DTX1: variants seen among roughly 807,000 people sequenced by gnomAD.
The protein encoded by DTX1 is deltex E3 ubiquitin ligase 1.
In DTX1, 26 loss-of-function variants were observed where a neutral mutation model predicts 57.8. That is an observed-to-expected ratio of 0.45 (90% CI 0.33 to 0.62). The LOEUF (loss-of-function observed/expected upper bound fraction) is 0.62, where lower values mean the gene tolerates loss of function less well. Among genes scored for constraint, DTX1 ranks in the 20% least tolerant of loss-of-function variants. The pLI, the probability that DTX1 is intolerant of heterozygous loss-of-function variation, is 0.02. For missense variants in DTX1, 704 were observed against 895.3 expected (o/e 0.79, Z 2.73); for synonymous variants, 398 against 394.1 (o/e 1.01, Z -0.12).
intron 2 of DTX1, among the ~76,000 whole-genome samples, chr12:113,060,360 CAT>C (rs2044656853): frequency 6.6e-6 from 1 of 152,132 alleles, no homozygotes; most frequent in Admixed American, 6.5e-5. Context: ...AGCAAGCAAA[CAT>C]ATCACCACAG....
chr12:113,080,979 A>G (rs2044812582), intron 3 of DTX1, among the ~76,000 whole-genome samples: 1 of 151,882 alleles, frequency 6.6e-6, no homozygotes, highest in African/African-American at 2.4e-5. Flanking sequence ...TGTCTCAAAA[A>G]AAAAAAAAAA....
chr12:113,096,439 C>CAAAA (rs56194115), intron 9 of DTX1, among the ~76,000 whole-genome samples: 9 of 92,750 alleles, frequency 9.7e-5, no homozygotes, highest in East Asian at 6.5e-4. Flanking sequence ...GACTCTGCCT[C>CAAAA]AAAAAAAAAA....
At chr12:113,066,167 C>T (rs140339922) in intron 2 of DTX1, among the ~76,000 whole-genome samples, 312 of 152,330 alleles carry the variant, frequency 2.0e-3, no homozygotes, top group Non-Finnish European at 3.4e-3. Context: ...CTGGAAACAG[C>T]TACCTCGGGG....
rs115046593 is a variant in DTX1 at position 113,074,978 on chromosome 12, G to A, written c.260-2446G>A. Among the ~76,000 whole-genome samples, 96 of 152,272 alleles carry A rather than the reference G, an allele frequency of 6.3e-4. 1 individual carries two copies. Among genetic ancestry groups the A allele is most frequent in the African/African-American group, 2.3e-3 (96 of 41,550 alleles). On this transcript the variant is annotated intron_variant, in intron 2 of 9. Transcript: ENST00000548759. ...CAGGGGAGAGCAGAGCTGAGTTCAA[G>A]GTGCCTGTTAAACCTCTCCAGGGAA...
At chr12:113,075,655 A>G (rs1334633260) in intron 2 of DTX1, among the ~76,000 whole-genome samples, 1 of 152,180 alleles carries the variant, frequency 6.6e-6, no homozygotes, top group Non-Finnish European at 1.5e-5. Flanking sequence ...TGTGGTTTGG[A>G]GTAAAGCCTC....
chr12:113,079,693 A>G (rs968596647), intron 3 of DTX1, among the ~76,000 whole-genome samples: 2 of 100,492 alleles, frequency 2.0e-5, no homozygotes, highest in African/African-American at 4.0e-5. Flanking sequence ...ATTCCCGGCT[A>G]CTGTGTGTGT....
rs558718426 is a variant in DTX1, at chr12:113,082,495, G to C, written c.941+4390G>C. Among the ~76,000 whole-genome samples the C allele has an allele frequency of 4.6e-5, 7 of 152,268 alleles. No individual in the cohort carries two copies. The East Asian group carries it at 1.2e-3, about 25-fold the overall frequency. On this transcript the variant is annotated intron_variant, in intron 3 of 9. Coordinates refer to ENST00000548759, the MANE Select transcript of DTX1 (RefSeq NM_004416.3). ...CTATGAGGGGAAAGGGATGGAGGTG[G>C]GGGGTCTTTGAGGAGCCAGGCAGAC...
rs867706951 is a variant in DTX1, at chr12:113,077,438, G to A, written c.274G>A (p.Val92Met). Residue 92 changes from valine to methionine, a missense_variant, in exon 3 of 10, where the codon GTG (valine) becomes ATG (methionine). By Grantham distance (21) the Val-to-Met change is conservative (BLOSUM62 1). Coordinates refer to ENST00000548759, the MANE Select transcript of DTX1 (RefSeq NM_004416.3). This position sits in a 1 kb window ranked among gnomAD's most constrained non-coding sequence, Gnocchi z 7.8. ...FRQDTGTMRP[V>M]RRNFYDPSSA... ...TTCGAGTACAGGCACCATGCGGCCCGTGCGGCGCAACTTCTACGACCCGTC... is the reference window on the plus strand; with the variant it reads ...TTCGAGTACAGGCACCATGCGGCCCATGCGGCGCAACTTCTACGACCCGTC... 1 of 1,607,986 alleles carries A rather than the reference G, an allele frequency of 6.2e-7. No individual in the cohort carries two copies. The highest frequency in any genetic ancestry group is 8.5e-7 in the Non-Finnish European group (1 of 1,179,062).
At chr12:113,060,516 T>A (rs1286204432) in intron 2 of DTX1, among the ~76,000 whole-genome samples, 4 of 152,176 alleles carry the variant, frequency 2.6e-5, no homozygotes, top group Admixed American at 2.6e-4. Context: ...GCACAGCCAG[T>A]GCAAAGGCCC....
chr12:113,068,959 CCT>C (rs2044722278), intron 2 of DTX1, among the ~76,000 whole-genome samples: 2 of 152,300 alleles, frequency 1.3e-5, no homozygotes, highest in South Asian at 2.1e-4. Context: ...AATTGCTTCA[CCT>C]CTCTGTGCTT....
chr12:113,086,701 A>T lies in DTX1; in HGVS notation c.942-6461A>T, dbSNP rs575509825. Among the ~76,000 whole-genome samples the T allele has an allele frequency of 3.6e-4, 55 of 151,554 alleles. No homozygotes were observed. The South Asian group carries it at 7.9e-3, about 22-fold the overall frequency. ...GCAGTGATTTTATGCTTTTATTTTT[A>T]AAAAATCCACATTTTCTTTCTCCAG... On this transcript the variant is annotated intron_variant, in intron 3 of 9. Transcript: ENST00000548759.
intron 9 of DTX1, 50 bp downstream of exon 9, chr12:113,095,464 C>T (rs776575021): frequency 3.1e-6 from 5 of 1,609,644 alleles, no homozygotes; most frequent in Non-Finnish European, 4.2e-6. Context: ...GCAGGGGCTC[C>T]AGCAACCACT....
chr12:113,092,432 A>C (rs979083239), intron 3 of DTX1, among the ~76,000 whole-genome samples: 2 of 152,016 alleles, frequency 1.3e-5, no homozygotes, highest in Non-Finnish European at 2.9e-5. Context: ...TTGAACTGAG[A>C]TATGAAAGCA....
chr12:113,058,435 G>T lies in DTX1; in HGVS notation c.243G>T (p.Gln81His), dbSNP rs1239210955. Residue 81 changes from glutamine (Q) to histidine (H), a missense_variant, in exon 2 of 10, where the codon CAG becomes CAT. By Grantham distance (24) the Gln-to-His change is conservative. Coordinates refer to ENST00000548759, the MANE Select transcript of DTX1 (RefSeq NM_004416.3). ...TCATCGACCTGCAGTCCATGCACCAGTTTCGCCAGGACACAGGTGAGCAGA... is the reference window on the plus strand; with the variant it reads ...TCATCGACCTGCAGTCCATGCACCATTTTCGCCAGGACACAGGTGAGCAGA... ...PYIIDLQSMH[Q>H]FRQDTGTMRP... The T allele has an allele frequency of 6.2e-7, 1 of 1,602,384 alleles. No individual in the cohort carries two copies. Among genetic ancestry groups the T allele is most frequent in the Non-Finnish European group, 8.5e-7 (1 of 1,179,154 alleles).
chr12:113,093,838 G>T lies in DTX1; in HGVS notation c.1165+138G>T. The T allele has an allele frequency of 6.9e-7, 1 of 1,446,376 alleles. No homozygotes were observed. Among genetic ancestry groups the T allele is most frequent in the Non-Finnish European group, 9.4e-7 (1 of 1,063,844 alleles). 89.6% of individuals were successfully genotyped at this position (1,446,376 alleles called of 1,614,324 possible). A position where few individuals can be genotyped will look rare whatever the true frequency, so the allele number is the denominator to read the frequency against. ...GCCTGATCTCAGCTCCCCTTGCCCT[G>T]GCCCCATCTTTCACCAGCTCCTGTT... On this transcript the variant is annotated intron_variant, in intron 5 of 9. Coordinates refer to ENST00000548759, the MANE Select transcript of DTX1 (RefSeq NM_004416.3). This position sits in a 1 kb window ranked among gnomAD's most constrained non-coding sequence, Gnocchi z 4.2.
chr12:113,058,421 C>A lies in DTX1; in HGVS notation c.229C>A (p.Gln77Lys). The change falls in exon 2 of 10, where the codon CAG (glutamine) becomes AAG (lysine). Residue 77 changes from glutamine (Q) to lysine (K), a missense_variant. Gln to Lys is a moderately conservative substitution (Grantham distance 53). This residue lies in a region of DTX1 where 237 missense variants were observed against 328.6 expected (regional missense o/e 0.72). Coordinates refer to ENST00000548759, the MANE Select transcript of DTX1 (RefSeq NM_004416.3). Reference protein sequence around the residue: ...AQLVPYIIDLQSMHQFRQDTG... With the variant: ...AQLVPYIIDLKSMHQFRQDTG... ...GCTTGTGCCCTACATCATCGACCTG[C>A]AGTCCATGCACCAGTTTCGCCAGGA... 1 of 1,605,244 alleles carries A rather than the reference C, an allele frequency of 6.2e-7. No homozygotes were observed. The highest frequency in any genetic ancestry group is 8.5e-7 in the Non-Finnish European group (1 of 1,179,704).
intron 2 of DTX1, among the ~76,000 whole-genome samples, chr12:113,075,075 C>G (rs2044761704): frequency 6.6e-6 from 1 of 152,198 alleles, no homozygotes; most frequent in African/African-American, 2.4e-5. Context: ...TCAGAGTAGA[C>G]ACGGTATTTA....
chr12:113,064,657 T>A (rs1566013528), intron 2 of DTX1, among the ~76,000 whole-genome samples: 2 of 152,222 alleles, frequency 1.3e-5, no homozygotes. Context: ...TCTGAGTTTA[T>A]TTCCTCCTCT....
Position 113,058,187 on chromosome 12 carries a change from G to T in DTX1, c.-6G>T. 6.3e-7 allele frequency: 1 copy of T among 1,594,802 alleles called. No homozygotes were observed. ...GGGGGACCTGGCCCCTGAGGCAGTG[G>T]CGGCCATGTCACGGCCAGGCCACGG... On this transcript the variant is annotated 5_prime_UTR_variant, in exon 2 of 10. Transcript: ENST00000548759.
Sources: allele counts gnomAD v4.1 joint callset (sites outside exome capture counted in the v4.1 genomes callset), GRCh38; gene constraint gnomAD v4.1.1; regional missense constraint gnomAD v4.1.1; non-coding constraint Gnocchi (gnomAD v3.1); transcripts MANE v1.5; gene names NCBI Gene and HGNC (gene_info 2026-07-23, HGNC 2026-07-21).